The following G6PD variants were observed in gnomAD, a reference collection of about 807,000 sequenced individuals.
The protein encoded by G6PD is glucose-6-phosphate 1-dehydrogenase.
Under a neutral mutation model 38.2 loss-of-function variants are expected in G6PD, and 2 were observed. The ratio of observed to expected loss-of-function variants is 0.05; its 90% CI spans 0.02 to 0.16. The LOEUF (loss-of-function observed/expected upper bound fraction) is 0.16, where lower values mean the gene tolerates loss of function less well. Ranked by LOEUF, G6PD falls within the 10% of genes least tolerant of loss-of-function variation. The probability of loss-of-function intolerance (pLI) is 1.00; values close to 1 mark genes in which losing one functional copy is unlikely to be tolerated. For missense variants in G6PD, 310 were observed against 471.6 expected (o/e 0.66, Z 3.17); for synonymous variants, 188 against 196.0 (o/e 0.96, Z 0.34).
chrX:154,533,272 G>A (rs1557229951), intron 8 of G6PD, 144 bp from the exon 9 acceptor site: 1 of 678,467 alleles, frequency 1.5e-6, no homozygotes, highest in African/African-American at 2.2e-5. Flanking sequence ...CCAGCTCAGG[G>A]CCCCTCCCTG....
In G6PD at chrX:154,534,252, G is replaced by A. The variant is rs917134021; in HGVS notation, c.644+86C>T. Reference sequence around the variant, plus strand: ...GGTCACCCTTGTCTGAGTTCTGGAGGAATTCGTCCTCGGGGAGGCAGTGGG... The same window carrying A: ...GGTCACCCTTGTCTGAGTTCTGGAGAAATTCGTCCTCGGGGAGGCAGTGGG... On this transcript the variant is annotated intron_variant, in intron 6 of 12. Transcript: ENST00000393562. 542 of 1,202,338 alleles carry A rather than the reference G, an allele frequency of 4.5e-4. 1 individual carries two copies. The highest frequency in any genetic ancestry group is 2.4e-4 in the Middle Eastern group (1 of 4,105).
chrX:154,532,426 G>A lies in G6PD; in HGVS notation c.1324C>T (p.Leu442=), dbSNP rs782026927. Residue 442 remains leucine (L), a synonymous_variant, in exon 11 of 13, where the codon CTG becomes TTG. Coordinates refer to ENST00000393562, the MANE Select transcript of G6PD (RefSeq NM_001360016.2). The part of the protein sequence containing the change: ...KLPDAYERLI[L]DVFCGSQMHF... ...ATCTGGCTCCCGCAGAAGACGTCCA[G>A]GATGAGGCGCTCATAGGCGTCAGGG... 2.5e-6 allele frequency: 3 copies of A among 1,210,366 alleles called. No homozygotes were observed. Among genetic ancestry groups the A allele is most frequent in the African/African-American group, 3.5e-5 (2 of 57,376 alleles).
In G6PD at chrX:154,532,945, C is replaced by G. The variant is rs34193178; in HGVS notation, c.1048G>C (p.Asp350His). Reference sequence around the variant, plus strand: ...GGGCCTCGAAGGCATCACCTACCATCCCACCTCTCATTCTCCACATAGAGG... The same window carrying G: ...GGGCCTCGAAGGCATCACCTACCATGCCACCTCTCATTCTCCACATAGAGG... ...VVLYVENERW[D>H]GVPFILRCGK... Residue 350 changes from aspartate (D) to histidine (H), a missense_variant, in exon 9 of 13, where the codon GAT becomes CAT. Asp to His is a moderately conservative substitution (Grantham distance 81). Around this residue, in one of 4 missense-constraint regions of G6PD, gnomAD observed 168 missense variants for 309.2 expected, o/e 0.54. Transcript: ENST00000393562. The G allele has an allele frequency of 2.1e-4, 252 of 1,210,701 alleles. No individual in the cohort carries two copies. In the African/African-American group the frequency reaches 3.6e-3, roughly 17 times the overall value.
In G6PD at chrX:154,531,912, G is replaced by A. The variant is rs781857931; in HGVS notation, c.*88C>T. 2.6e-6 allele frequency: 3 copies of A among 1,151,632 alleles called. No individual in the cohort carries two copies. The highest frequency in any genetic ancestry group is 4.0e-5 in the South Asian group (2 of 50,601). 94.9% of individuals were successfully genotyped at this position (1,151,632 alleles called of 1,213,427 possible). A position where few individuals can be genotyped will look rare whatever the true frequency, so the allele number is the denominator to read the frequency against. On this transcript the variant is annotated 3_prime_UTR_variant, in exon 13 of 13. Transcript: ENST00000393562. ...CCCGGGGCCAGGAATGTGCAGCTGA[G>A]GTCAATGGTCCCGGAGTCCTCCCGA...
Position 154,531,799 on chromosome X carries a change from C to T in G6PD, c.*201G>A. 1 of 609,366 alleles carries T rather than the reference C, an allele frequency of 1.6e-6. No homozygotes were observed. The highest frequency in any genetic ancestry group is 2.5e-6 in the Non-Finnish European group (1 of 397,585). 50.2% of individuals were successfully genotyped at this position (609,366 alleles called of 1,213,427 possible). A position where few individuals can be genotyped will look rare whatever the true frequency, so the allele number is the denominator to read the frequency against. On this transcript the variant is annotated 3_prime_UTR_variant, in exon 13 of 13. Transcript: ENST00000393562. Reference sequence around the variant, plus strand: ...TGGGCTCAGGCAGGGTCTGGAGGGGCCAGGATGGTCTCGAGTGCTTGGCAG... The same window carrying T: ...TGGGCTCAGGCAGGGTCTGGAGGGGTCAGGATGGTCTCGAGTGCTTGGCAG...
chrX:154,534,518 G>A (rs782335196), intron 5 of G6PD, 22 bp from the exon 6 acceptor site: 7 of 1,209,358 alleles, frequency 5.8e-6, no homozygotes, highest in Non-Finnish European at 6.7e-6. Context: ...CCGGAGCTGC[G>A]TTACCCCCTT....
chrX:154,535,644 C>T, intron 4 of G6PD: 1 of 449,063 alleles, frequency 2.2e-6, no homozygotes, highest in Non-Finnish European at 3.9e-6. Flanking sequence ...GGCCAGATTT[C>T]AGGATATTTT....
At chrX:154,540,010 C>T (rs1021869807) in intron 2 of G6PD, among the ~76,000 whole-genome samples, 4 of 110,240 alleles carry the variant, frequency 3.6e-5, no homozygotes, top group Admixed American at 2.9e-4. Context: ...CGTGAGCCAC[C>T]GTGGCCGGCC....
At chrX:154,546,200 C>G in intron 1 of G6PD, 37 bp from the exon 2 acceptor site, 1 of 1,208,210 alleles carries the variant, frequency 8.3e-7, no homozygotes, top group South Asian at 1.8e-5. Flanking sequence ...GGCAGAAGAA[C>G]AGGAGAGCAT....
intron 2 of G6PD, among the ~76,000 whole-genome samples, chrX:154,540,655 A>AC (rs1272424275): frequency 3.7e-5 from 4 of 108,008 alleles, no homozygotes; most frequent in South Asian, 8.1e-4. Flanking sequence ...AAAAAAAAAA[A>AC]ACACATGCTC....
Position 154,531,887 on chromosome X carries a change from C to G in G6PD, c.*113G>C, listed in dbSNP as rs2070339565. 2.7e-6 allele frequency: 3 copies of G among 1,114,415 alleles called. No individual in the cohort carries two copies. The highest frequency in any genetic ancestry group is 2.4e-6 in the Non-Finnish European group (2 of 834,761). The allele number at this position is 1,114,415 out of a possible 1,213,427, so 91.8% of individuals were successfully genotyped here. A position where few individuals can be genotyped will look rare whatever the true frequency, so the allele number is the denominator to read the frequency against. On this transcript the variant is annotated 3_prime_UTR_variant, in exon 13 of 13. Transcript: ENST00000393562. ...GAGGGGCGGGCCAGGGTGGCCAGAG[C>G]CCGGGGCCAGGAATGTGCAGCTGAG...
rs1379306569 is a variant in G6PD at position 154,533,016 on chromosome X, G to A, written c.977C>T (p.Pro326Leu). The A allele has an allele frequency of 1.6e-6, 2 of 1,212,191 alleles. No homozygotes were observed. The highest frequency in any genetic ancestry group is 2.2e-6 in the Non-Finnish European group (2 of 895,557). ...GEATKGYLDDPTVPRGSTTAT... is the reference protein window; with the variant it reads ...GEATKGYLDDLTVPRGSTTAT... ...GGTGGTGGACCCGCGGGGCACCGTGGGGTCGTCCAGGTACCCTTTGGTGGC... is the reference window on the plus strand; with the variant it reads ...GGTGGTGGACCCGCGGGGCACCGTGAGGTCGTCCAGGTACCCTTTGGTGGC... The change falls in exon 9 of 13, where the codon CCC (proline) becomes CTC (leucine). Residue 326 changes from proline (P) to leucine (L), a missense_variant. Transcript: ENST00000393562.
rs1557233544 is a variant in G6PD, at chrX:154,546,827, C to G, written c.-47G>C. 8.6e-7 allele frequency: 1 copy of G among 1,158,632 alleles called. No individual in the cohort carries two copies. Among genetic ancestry groups the G allele is most frequent in the Non-Finnish European group, 1.1e-6 (1 of 871,486 alleles). The stretch of plus-strand genomic sequence containing the variant: ...TCGTCGCCCTCCGCGCTCGCAGCCC[C>G]GAAGTGTACGACCGTTTCCGGGGGC... On this transcript the variant is annotated 5_prime_UTR_variant, in exon 1 of 13. Transcript: ENST00000393562.
chrX:154,542,568 G>A, intron 2 of G6PD: 1 of 971,211 alleles, frequency 1.0e-6, no homozygotes. Context: ...TGGGTGTGTG[G>A]GCAAGTGTGA....
At chrX:154,537,990 G>GT (rs781988750) in intron 2 of G6PD, among the ~76,000 whole-genome samples, 1,468 of 90,983 alleles carry the variant, frequency 0.016, 21 homozygotes, top group Admixed American at 0.037. Context: ...AAATCAGGAG[G>GT]TTTTTTTTTT....
upstream of G6PD, chrX:154,547,339 CTCT>C (rs1480505309): frequency 6.2e-5 from 47 of 754,202 alleles, no homozygotes; most frequent in Admixed American, 1.7e-4. Context: ...ATTGGGCAGT[CTCT>C]TCTTGATTCC....
At chrX:154,535,614 C>A (rs2070398910) in intron 4 of G6PD, 2 of 455,405 alleles carry the variant, frequency 4.4e-6, no homozygotes, top group East Asian at 3.7e-5. Context: ...CAGGCTGGGA[C>A]CCCTGTGCCT....
At chrX:154,546,870 T>C, upstream of G6PD, 1 of 1,093,176 alleles carries the variant, frequency 9.1e-7, no homozygotes, top group Non-Finnish European at 1.2e-6. Flanking sequence ...CGCCGGCCCA[T>C]TTAATCGGCG....
At chrX:154,546,390 C>CA (rs1409939722) in intron 1 of G6PD, among the ~76,000 whole-genome samples, 3 of 112,199 alleles carry the variant, frequency 2.7e-5, no homozygotes, top group Non-Finnish European at 5.6e-5. Flanking sequence ...GTGTACATTA[C>CA]AAAATTACTC....
Sources: allele counts gnomAD v4.1 joint callset (sites outside exome capture counted in the v4.1 genomes callset), GRCh38; gene constraint gnomAD v4.1.1; regional missense constraint gnomAD v4.1.1; transcripts MANE v1.5; gene names NCBI Gene and HGNC (gene_info 2026-07-23, HGNC 2026-07-21).